The following BHMT2 variants were observed in gnomAD, a reference collection of about 807,000 sequenced individuals.
BHMT2 encodes the protein S-methylmethionine--homocysteine S-methyltransferase BHMT2.
In BHMT2, 28 loss-of-function variants were observed where a neutral mutation model predicts 39.0. The ratio of observed to expected loss-of-function variants is 0.72; its 90% CI spans 0.53 to 0.98. The LOEUF (loss-of-function observed/expected upper bound fraction) is 0.98, where lower values mean the gene tolerates loss of function less well. Among genes scored for constraint, BHMT2 ranks in the 50% least tolerant of loss-of-function variants. The pLI, the probability that BHMT2 is intolerant of heterozygous loss-of-function variation, is 0.00. For missense variants in BHMT2, 410 were observed against 455.6 expected (o/e 0.90, Z 0.91); for synonymous variants, 145 against 160.6 (o/e 0.90, Z 0.74).
At chr5:79,081,188 G>A (rs559678899) in intron 4 of BHMT2, among the ~76,000 whole-genome samples, 7 of 152,222 alleles carry the variant, frequency 4.6e-5, no homozygotes, top group African/African-American at 1.4e-4. Flanking sequence ...CAGTGCCTCC[G>A]GGAGCACCCT....
In BHMT2 at chr5:79,080,694, A is replaced by T. The variant is rs1755768895; in HGVS notation, c.266A>T (p.Asp89Val). The T allele has an allele frequency of 2.5e-6, 4 of 1,588,822 alleles. No individual in the cohort carries two copies. Among genetic ancestry groups the T allele is most frequent in the Non-Finnish European group, 3.4e-6 (4 of 1,173,084 alleles). ...SEDNMESKWE[D>V]VNAAACDLAR... The stretch of plus-strand genomic sequence containing the variant: ...CTTGCTCTCTAACCTCAGTGGGAAG[A>T]TGTAAATGCTGCTGCCTGTGACCTC... Residue 89 changes from aspartate (D) to valine (V), a missense_variant, in exon 4 of 8, where the codon GAT becomes GTT. Physicochemically the swap from Asp to Val is radical, Grantham distance 152. Transcript: ENST00000255192.
intron 1 of BHMT2, 121 bp from the exon 2 acceptor site, chr5:79,077,359 A>G: frequency 7.6e-7 from 1 of 1,318,126 alleles, no homozygotes; most frequent in South Asian, 1.6e-5. Context: ...ATTAGAGCAC[A>G]TGATTTTAAC....
rs369119738 is a variant in BHMT2, at chr5:79,087,014, GTATATATATATA to G, written c.1011-1462_1011-1451del. Among the ~76,000 whole-genome samples the G allele has an allele frequency of 5.1e-5, 6 of 118,324 alleles. 1 individual carries two copies. The highest frequency in any genetic ancestry group is 1.8e-4 in the Admixed American group (2 of 11,118). 77.6% of individuals were successfully genotyped at this position (118,324 alleles called of 152,430 possible). The stretch of plus-strand genomic sequence containing the variant: ...TGTGTATGTATGTGTGTGTGTGTGT[GTATATATATATA>G]TATATATATATATATACATATGTAT... On this transcript the variant is annotated intron_variant, in intron 7 of 7. Transcript: ENST00000255192.
Position 79,083,787 on chromosome 5 carries a change from C to T in BHMT2, c.941C>T (p.Pro314Leu), listed in dbSNP as rs747146838. The change falls in exon 7 of 8, where the codon CCA becomes CTA. Residue 314 changes from proline to leucine, a missense_variant. Transcript: ENST00000255192. ...ELAPERGFLP[P>L]ASEKHGSWGS... Reference sequence around the variant, plus strand: ...GCCCCAGAAAGGGGCTTTTTGCCACCAGCTTCAGAAAAACACGGCAGCTGG... The same window carrying T: ...GCCCCAGAAAGGGGCTTTTTGCCACTAGCTTCAGAAAAACACGGCAGCTGG... 6.2e-7 allele frequency: 1 copy of T among 1,614,098 alleles called. No homozygotes were observed. Among genetic ancestry groups the T allele is most frequent in the Non-Finnish European group, 8.5e-7 (1 of 1,180,024 alleles).
chr5:79,084,691 T>C (rs1341683490), intron 7 of BHMT2, among the ~76,000 whole-genome samples: 1 of 152,202 alleles, frequency 6.6e-6, no homozygotes. Context: ...AATCAGACCA[T>C]GGCACAGAGG....
At position 79,089,578 on chromosome 5, in the gene BHMT2, CCTTA is replaced by C. The variant is rs768324167; in HGVS notation, c.*1009_*1012del. The C allele has an allele frequency of 3.3e-5, 5 of 152,114 alleles. No homozygotes were observed. The highest frequency in any genetic ancestry group is 2.1e-4 in the South Asian group (1 of 4,822). The allele number at this position is 152,114 out of a possible 1,614,324, so 9.4% of individuals were successfully genotyped here. Reference sequence around the variant, plus strand: ...AAGCTTATAATCTTCTCATAATTCCCCTTACTTAGCATTGTGTTAGACATACTAA... The same window carrying C: ...AAGCTTATAATCTTCTCATAATTCCCCTTAGCATTGTGTTAGACATACTAA... On this transcript the variant is annotated 3_prime_UTR_variant, in exon 8 of 8. Coordinates refer to ENST00000255192, the MANE Select transcript of BHMT2 (RefSeq NM_017614.5).
chr5:79,079,594 G>C lies in BHMT2; in HGVS notation c.258+134G>C, dbSNP rs565493401. On this transcript the variant is annotated intron_variant, in intron 3 of 7. Transcript: ENST00000255192. ...CATATAAATATGTATTAATTTTCACGTGAAGATATATACTAAATAGGTCGG... is the reference window on the plus strand; with the variant it reads ...CATATAAATATGTATTAATTTTCACCTGAAGATATATACTAAATAGGTCGG... 7.4e-6 allele frequency: 5 copies of C among 676,858 alleles called. No individual in the cohort carries two copies. In the Admixed American group the frequency reaches 1.2e-4, roughly 16 times the overall value. 41.9% of individuals were successfully genotyped at this position (676,858 alleles called of 1,614,324 possible). A position where few individuals can be genotyped will look rare whatever the true frequency, so the allele number is the denominator to read the frequency against.
In BHMT2 at chr5:79,083,726, G is replaced by C. The variant is rs1472378782; in HGVS notation, c.880G>C (p.Glu294Gln). The C allele has an allele frequency of 6.2e-7, 1 of 1,613,800 alleles. No homozygotes were observed. The highest frequency in any genetic ancestry group is 8.5e-7 in the Non-Finnish European group (1 of 1,179,980). Reference protein sequence around the residue: ...VRYIGGCCGFEPYHIRAIAEE... With the variant: ...VRYIGGCCGFQPYHIRAIAEE... ...GTACATTGGCGGGTGCTGTGGATTTGAGCCCTACCACATCAGGGCAATTGC... is the reference window on the plus strand; with the variant it reads ...GTACATTGGCGGGTGCTGTGGATTTCAGCCCTACCACATCAGGGCAATTGC... Residue 294 changes from glutamate to glutamine, a missense_variant, in exon 7 of 8, where the codon GAG becomes CAG. By Grantham distance (29) the Glu-to-Gln change is conservative (BLOSUM62 2). Transcript: ENST00000255192.
chr5:79,078,686 G>A (rs750591500), intron 2 of BHMT2, among the ~76,000 whole-genome samples: 12 of 152,194 alleles, frequency 7.9e-5, no homozygotes, highest in South Asian at 4.1e-4. Context: ...TTGGTGCATC[G>A]GACACCCAGA....
intron 3 of BHMT2, among the ~76,000 whole-genome samples, chr5:79,080,013 A>G (rs1030811993): frequency 1.1e-4 from 17 of 152,190 alleles, no homozygotes; most frequent in African/African-American, 3.4e-4. Context: ...TTCTTGTGCT[A>G]TTTTTTAGAG....
chr5:79,082,827 G>T lies in BHMT2; in HGVS notation c.469G>T (p.Glu157Ter), dbSNP rs748294761. 6.8e-6 allele frequency: 11 copies of T among 1,614,018 alleles called. No homozygotes were observed. The South Asian group carries it at 1.1e-4, about 16-fold the overall frequency. The change falls in exon 5 of 8, where the codon GAA (glutamate) becomes TAA (stop). Residue 157 changes from glutamate (E) to a stop codon, truncating the protein, a stop_gained. Coordinates refer to ENST00000255192, the MANE Select transcript of BHMT2 (RefSeq NM_017614.5). LOFTEE classifies it high-confidence loss of function. ...CTCTTAGTATTTTGAGCACGTTGAA[G>T]AAGCTGTGTGGGCTGTGGAAGTCTT... is the stretch of plus-strand genomic sequence containing the variant. ...LIAEYFEHVE[E>*]AVWAVEVLKE...
intron 4 of BHMT2, 65 bp from the exon 5 acceptor site, chr5:79,082,744 T>C (rs1755810199): frequency 2.5e-6 from 4 of 1,569,684 alleles, no homozygotes; most frequent in Middle Eastern, 3.6e-4. Flanking sequence ...TTTTGCTATA[T>C]TTACCTTTAC....
At chr5:79,076,522 C>A (rs1317018752) in intron 1 of BHMT2, among the ~76,000 whole-genome samples, 2 of 151,988 alleles carry the variant, frequency 1.3e-5, no homozygotes, top group Non-Finnish European at 2.9e-5. Flanking sequence ...CTGAATGGAA[C>A]CTTTTAAATA....
intron 1 of BHMT2, among the ~76,000 whole-genome samples, chr5:79,076,600 G>C (rs568400263): frequency 1.6e-4 from 24 of 152,258 alleles, no homozygotes; most frequent in African/African-American, 5.1e-4. Context: ...TTAGAAGCTA[G>C]TCTGATTTTT....
At chr5:79,086,676 G>T (rs574137832) in intron 7 of BHMT2, among the ~76,000 whole-genome samples, 1 of 152,066 alleles carries the variant, frequency 6.6e-6, no homozygotes, top group East Asian at 1.9e-4. Flanking sequence ...CATTCCCGTG[G>T]ATATATTGTC....
At chr5:79,076,090 A>G (rs1755665818) in intron 1 of BHMT2, among the ~76,000 whole-genome samples, 1 of 152,166 alleles carries the variant, frequency 6.6e-6, no homozygotes, top group Non-Finnish European at 1.5e-5. Context: ...GGCTTGGAGA[A>G]TGAGTGCAAG....
Position 79,079,594 on chromosome 5 carries a change from G to A in BHMT2, c.258+134G>A, listed in dbSNP as rs565493401. The A allele has an allele frequency of 2.8e-5, 19 of 676,976 alleles. No homozygotes were observed. The East Asian group carries it at 3.4e-4, about 12-fold the overall frequency. The allele number at this position is 676,976 out of a possible 1,614,324, so 41.9% of individuals were successfully genotyped here. On this transcript the variant is annotated intron_variant, in intron 3 of 7. Coordinates refer to ENST00000255192, the MANE Select transcript of BHMT2 (RefSeq NM_017614.5). Reference sequence around the variant, plus strand: ...CATATAAATATGTATTAATTTTCACGTGAAGATATATACTAAATAGGTCGG... The same window carrying A: ...CATATAAATATGTATTAATTTTCACATGAAGATATATACTAAATAGGTCGG...
chr5:79,089,976 A>T lies in BHMT2; in HGVS notation c.*1402A>T, dbSNP rs1755989969. On this transcript the variant is annotated 3_prime_UTR_variant, in exon 8 of 8. Transcript: ENST00000255192. The stretch of plus-strand genomic sequence containing the variant: ...TAATTCAAATCTATTTTGGTCTTAT[A>T]TCTTCTTATGTTTGTGTTATTTCAT... Among the ~76,000 whole-genome samples the T allele has an allele frequency of 6.6e-6, 1 of 152,174 alleles. No homozygotes were observed. Among genetic ancestry groups the T allele is most frequent in the African/African-American group, 2.4e-5 (1 of 41,440 alleles).
rs576573279 is a variant in BHMT2, at chr5:79,083,478, A to C, written c.781+104A>C. 1.8e-5 allele frequency: 26 copies of C among 1,480,654 alleles called. 1 individual carries two copies. The South Asian group carries it at 2.9e-4, about 17-fold the overall frequency. 91.7% of individuals were successfully genotyped at this position (1,480,654 alleles called of 1,614,324 possible). A position where few individuals can be genotyped will look rare whatever the true frequency, so the allele number is the denominator to read the frequency against. On this transcript the variant is annotated intron_variant, in intron 6 of 7. Transcript: ENST00000255192. ...TTTACAATAAGAGACTGCATATGAC[A>C]AAACATTCAGAGTTAACCAAAAATG...
Sources: allele counts gnomAD v4.1 joint callset (sites outside exome capture counted in the v4.1 genomes callset), GRCh38; gene constraint gnomAD v4.1.1; transcripts MANE v1.5; gene names NCBI Gene and HGNC (gene_info 2026-07-23, HGNC 2026-07-21).